The following FREM3 variants were observed in gnomAD, a reference collection of about 807,000 sequenced individuals.
FREM3 encodes the protein FRAS1 related extracellular matrix 3.
FREM3 carries 105 observed loss-of-function variants against 129.1 expected under a neutral mutation model. That is an observed-to-expected ratio of 0.81 (90% CI 0.69 to 0.96). The LOEUF (loss-of-function observed/expected upper bound fraction) is 0.96. FREM3 is among the 40% of genes least tolerant of loss of function. The pLI, the probability that FREM3 is intolerant of heterozygous loss-of-function variation, is 0.00. For synonymous variants in FREM3, 1,014 were observed against 1,044.9 expected, an observed-to-expected ratio of 0.97 and a Z score of 0.57; for missense variants, 2,593 against 2,666.3, an observed-to-expected ratio of 0.97 and a Z score of 0.61.
intron 7 of FREM3, among the ~76,000 whole-genome samples, chr4:143,578,094 C>A (rs1207894845): frequency 6.6e-6 from 1 of 152,262 alleles, no homozygotes; most frequent in Non-Finnish European, 1.5e-5. Context: ...CTAGACCAGG[C>A]ACATCACCTT....
chr4:143,642,738 T>A (rs1285071056), intron 2 of FREM3, among the ~76,000 whole-genome samples: 3 of 152,146 alleles, frequency 2.0e-5, no homozygotes, highest in African/African-American at 7.2e-5. Flanking sequence ...AAGGGTTTTT[T>A]AAATAAGACC....
chr4:143,584,138 G>A (rs1394851875), intron 7 of FREM3, among the ~76,000 whole-genome samples: 8 of 152,308 alleles, frequency 5.3e-5, no homozygotes, highest in South Asian at 2.1e-4. Context: ...GGCTGGGCGC[G>A]GTGGCTCACG....
Position 143,628,171 on chromosome 4 carries a change from A to G in FREM3, c.5276-411T>C, listed in dbSNP as rs570555888. ...ACTCCTTTATATTATTTGAGCATCCATTTGATCTCATATTAGTCTGGAAGT... is the reference window on the plus strand; with the variant it reads ...ACTCCTTTATATTATTTGAGCATCCGTTTGATCTCATATTAGTCTGGAAGT... On this transcript the variant is annotated intron_variant, in intron 2 of 7. Transcript: ENST00000329798. 3.9e-5 allele frequency among the ~76,000 whole-genome samples: 6 copies of G among 152,188 alleles called. No homozygotes were observed. In the East Asian group the frequency reaches 5.8e-4, roughly 15 times the overall value.
chr4:143,619,901 G>A (rs1738916702), intron 5 of FREM3, among the ~76,000 whole-genome samples: 1 of 152,040 alleles, frequency 6.6e-6, no homozygotes, highest in African/African-American at 2.4e-5. Flanking sequence ...ACATTGTTTG[G>A]GAGAGGAAGA....
intron 2 of FREM3, among the ~76,000 whole-genome samples, chr4:143,682,317 T>G (rs1456189586): frequency 6.6e-6 from 1 of 152,166 alleles, no homozygotes; most frequent in Non-Finnish European, 1.5e-5. Flanking sequence ...GACAGGAGAT[T>G]GGCTGTCCGC....
At chr4:143,665,577 C>G (rs1220515065) in intron 2 of FREM3, among the ~76,000 whole-genome samples, 1 of 152,094 alleles carries the variant, frequency 6.6e-6, no homozygotes, top group Non-Finnish European at 1.5e-5. Context: ...CAATCCTTTT[C>G]TGAATCCTAA....
At chr4:143,591,253 T>G (rs1473344806) in intron 6 of FREM3, among the ~76,000 whole-genome samples, 6 of 152,086 alleles carry the variant, frequency 3.9e-5, no homozygotes, top group East Asian at 1.9e-4. Context: ...GTTCTGCTCT[T>G]ATCTTAGTTA....
In FREM3 at chr4:143,597,151, A is replaced by T. The variant is rs112556533; in HGVS notation, c.6029-11158T>A. Among the ~76,000 whole-genome samples the T allele has an allele frequency of 6.1e-3, 927 of 152,272 alleles. 11 individuals are homozygous for T. The highest frequency in any genetic ancestry group is 0.021 in the African/African-American group (891 of 41,562). On this transcript the variant is annotated intron_variant, in intron 6 of 7. Transcript: ENST00000329798. ...AAACAGACAGAAAAATAAGCAAACAAGCAAAAACAAACAAGCAAAAAATCG... is the reference window on the plus strand; with the variant it reads ...AAACAGACAGAAAAATAAGCAAACATGCAAAAACAAACAAGCAAAAAATCG...
chr4:143,677,243 T>C (rs974526219), intron 2 of FREM3, among the ~76,000 whole-genome samples: 15 of 151,910 alleles, frequency 9.9e-5, no homozygotes, highest in Admixed American at 9.2e-4. Flanking sequence ...ATACCACACA[T>C]CTACAACTAT....
chr4:143,596,015 A>G (rs181936002), intron 6 of FREM3, among the ~76,000 whole-genome samples: 1 of 152,294 alleles, frequency 6.6e-6, no homozygotes, highest in Non-Finnish European at 1.5e-5. Flanking sequence ...TGTTCCAGGT[A>G]GAGTGGCTAG....
chr4:143,639,549 C>T (rs1739286946), intron 2 of FREM3, among the ~76,000 whole-genome samples: 1 of 152,030 alleles, frequency 6.6e-6, no homozygotes, highest in Non-Finnish European at 1.5e-5. Context: ...TTACAGCAAT[C>T]CAGAAAACAG....
chr4:143,607,991 T>G (rs572523385), intron 6 of FREM3, among the ~76,000 whole-genome samples: 1 of 152,280 alleles, frequency 6.6e-6, no homozygotes, highest in South Asian at 2.1e-4. Flanking sequence ...AGCTTCAAAG[T>G]GCATCACTCC....
chr4:143,700,304 G>A lies in FREM3; in HGVS notation c.372C>T (p.Val124=). ...TGTGGGAGCCGAAGTGAGTGTACTG[G>A]ACTTGGCGGGGCCCGAAGGTGCAGG... ...RFPCTFGPRQ[V]QYTHFGSHSP... Residue 124 remains valine (V), a synonymous_variant, in exon 1 of 8, where the codon GTC becomes GTT. Coordinates refer to ENST00000329798, the MANE Select transcript of FREM3 (RefSeq NM_001168235.2). 6.5e-7 allele frequency: 1 copy of A among 1,535,620 alleles called. No individual in the cohort carries two copies. The highest frequency in any genetic ancestry group is 2.4e-5 in the East Asian group (1 of 40,846).
intron 2 of FREM3, among the ~76,000 whole-genome samples, chr4:143,644,428 T>C (rs1739379020): frequency 6.6e-6 from 1 of 152,110 alleles, no homozygotes; most frequent in South Asian, 2.1e-4. Context: ...CACGAAGAGA[T>C]TTCTCAATGT....
chr4:143,630,961 G>A (rs1739127728), intron 2 of FREM3, among the ~76,000 whole-genome samples: 1 of 152,144 alleles, frequency 6.6e-6, no homozygotes, highest in Admixed American at 6.6e-5. Flanking sequence ...CTAAAATGCA[G>A]TAAGTACATG....
At chr4:143,645,810 A>C (rs1295941815) in intron 2 of FREM3, among the ~76,000 whole-genome samples, 1 of 152,238 alleles carries the variant, frequency 6.6e-6, no homozygotes, top group Non-Finnish European at 1.5e-5. Flanking sequence ...CCCAACTAGT[A>C]TAGCTACTAT....
chr4:143,585,865 A>C lies in FREM3; in HGVS notation c.6157T>G (p.Ser2053Ala), dbSNP rs375500731. The change falls in exon 7 of 8, where the codon TCA (serine) becomes GCA (alanine). Residue 2053 changes from serine (S) to alanine (A), a missense_variant. By Grantham distance (99) the Ser-to-Ala change is moderately conservative. Around this residue, in one of 2 missense-constraint regions of FREM3, gnomAD observed 317 missense variants for 399.0 expected, o/e 0.79. Transcript: ENST00000329798. The surrounding 1 kb of genome is among the most constrained non-coding windows in gnomAD (Gnocchi z 4.2). ...TCACCTTCTGCTGACTCCTGCTCTGACTTTCTGGAGCGCACGGCGATGGAT... is the reference window on the plus strand; with the variant it reads ...TCACCTTCTGCTGACTCCTGCTCTGCCTTTCTGGAGCGCACGGCGATGGAT... ...PSSIAVRSRK[S>A]EQESAEAGTD... 50 of 1,537,220 alleles carry C rather than the reference A, an allele frequency of 3.3e-5. No homozygotes were observed. The African/African-American group carries it at 6.2e-4, about 19-fold the overall frequency.
chr4:143,634,368 C>T (rs1267326211), intron 2 of FREM3, among the ~76,000 whole-genome samples: 1 of 152,236 alleles, frequency 6.6e-6, no homozygotes, highest in East Asian at 1.9e-4. Context: ...GCATTACTCT[C>T]AAATGATCTA....
chr4:143,682,634 T>C (rs1388108599), intron 2 of FREM3, among the ~76,000 whole-genome samples: 1 of 152,238 alleles, frequency 6.6e-6, no homozygotes, highest in African/African-American at 2.4e-5. Flanking sequence ...CTGGGGGTTT[T>C]GTCCAATTCT....
Sources: allele counts gnomAD v4.1 joint callset (sites outside exome capture counted in the v4.1 genomes callset), GRCh38; gene constraint gnomAD v4.1.1; regional missense constraint gnomAD v4.1.1; non-coding constraint Gnocchi (gnomAD v3.1); transcripts MANE v1.5; gene names NCBI Gene and HGNC (gene_info 2026-07-23, HGNC 2026-07-21).